Variants in PCDHA4 observed in about 807,000 individuals in gnomAD.
PCDHA4 encodes protocadherin alpha-4.
In PCDHA4, 49 loss-of-function variants were observed where a neutral mutation model predicts 61.4. That is an observed-to-expected ratio of 0.80 (90% CI 0.63 to 1.01). PCDHA4 has a LOEUF of 1.01. PCDHA4 is among the 50% of genes least tolerant of loss of function. The pLI is 0.00. For synonymous variants in PCDHA4, 590 were observed against 550.3 expected (o/e 1.07, Z -1.01); for missense variants, 1,254 against 1,235.8 (o/e 1.01, Z -0.22).
intron 1 of PCDHA4, chr5:140,815,969 G>T (rs1765823942): frequency 6.6e-6 from 1 of 152,094 alleles, no homozygotes; most frequent in South Asian, 2.1e-4. Context: ...GTGTTCTTTT[G>T]TACGTGATGA....
chr5:140,871,444 A>C (rs782085925), intron 1 of PCDHA4: 1 of 1,610,088 alleles, frequency 6.2e-7, no homozygotes, highest in Non-Finnish European at 8.5e-7. Context: ...AGGTCTGAAT[A>C]AAGAGGAGGA....
At chr5:140,883,781 T>C (rs1156481556) in intron 1 of PCDHA4, 1 of 1,612,432 alleles carries the variant, frequency 6.2e-7, no homozygotes, top group Non-Finnish European at 8.5e-7. Flanking sequence ...GCGTGCGCTG[T>C]CGAGCTACGT....
At chr5:140,870,755 A>G in intron 1 of PCDHA4, 3 of 1,613,522 alleles carry the variant, frequency 1.9e-6, no homozygotes, top group Non-Finnish European at 2.5e-6. Flanking sequence ...GTGACGCTGC[A>G]GGTGTTCGTG....
At chr5:140,825,107 A>G (rs1768448752) in intron 1 of PCDHA4, 1 of 151,744 alleles carries the variant, frequency 6.6e-6, no homozygotes, top group Non-Finnish European at 1.5e-5. Context: ...TTCATATACA[A>G]ATAAACTTCC....
Position 140,808,861 on chromosome 5 carries a change from A to C in PCDHA4, c.1674A>C (p.Glu558Asp), listed in dbSNP as rs782428956. 1.9e-6 allele frequency: 3 copies of C among 1,613,152 alleles called. No homozygotes were observed. The Admixed American group carries it at 5.0e-5, about 27-fold the overall frequency. The change falls in exon 1 of 4, where the codon GAA (glutamate) becomes GAC (aspartate). Residue 558 changes from glutamate to aspartate, a missense_variant. Glu to Asp is a conservative substitution (Grantham distance 45, BLOSUM62 2). Transcript: ENST00000530339. ...CGCTGCAGGTGTTCGTGCTGGACGA[A>C]AACGACAACGCGCCAGCACTGCTAG... ...NVTLQVFVLD[E>D]NDNAPALLAP... is the part of the protein sequence containing the mutation.
chr5:141,009,716 C>A lies in PCDHA4; in HGVS notation c.2623C>A (p.Gln875Lys). Residue 875 changes from glutamine (Q) to lysine (K), a missense_variant, in exon 4 of 4, where the codon CAA becomes AAA. Transcript: ENST00000530339. ...TFKYGPGNPK[Q>K]SGPGELPDKF... is the part of the protein sequence containing the mutation. ...TAAATACGGACCAGGCAACCCCAAACAATCCGGTCCCGGTGAGTTGCCCGA... is the reference window on the plus strand; with the variant it reads ...TAAATACGGACCAGGCAACCCCAAAAAATCCGGTCCCGGTGAGTTGCCCGA... 3 of 1,614,168 alleles carry A rather than the reference C, an allele frequency of 1.9e-6. No homozygotes were observed. The highest frequency in any genetic ancestry group is 2.5e-6 in the Non-Finnish European group (3 of 1,180,034).
chr5:140,822,162 G>A, intron 1 of PCDHA4: 1 of 1,614,230 alleles, frequency 6.2e-7, no homozygotes, highest in Non-Finnish European at 8.5e-7. Flanking sequence ...ATGACAATCC[G>A]CCCAGGTTCT....
intron 1 of PCDHA4, chr5:140,857,226 C>A (rs1266010631): frequency 6.3e-7 from 1 of 1,598,378 alleles, no homozygotes; most frequent in African/African-American, 1.3e-5. Context: ...CCTCACGTTC[C>A]GTTCAAGCTG....
At chr5:140,830,163 C>A in intron 1 of PCDHA4, 1 of 1,613,430 alleles carries the variant, frequency 6.2e-7, no homozygotes, top group Non-Finnish European at 8.5e-7. Flanking sequence ...GGCCCAGAGG[C>A]GGCGCTGGTG....
chr5:140,880,419 G>A (rs1554171271), intron 1 of PCDHA4, among the ~76,000 whole-genome samples: 2 of 152,106 alleles, frequency 1.3e-5, no homozygotes, highest in Non-Finnish European at 2.9e-5. Context: ...TTAAAAGCGG[G>A]AACAGTTTTT....
At chr5:140,836,074 C>G in intron 1 of PCDHA4, 2 of 1,613,694 alleles carry the variant, frequency 1.2e-6, no homozygotes, top group Non-Finnish European at 1.7e-6. Flanking sequence ...AACGCGCCGG[C>G]ACTGCTGGCG....
intron 1 of PCDHA4, chr5:140,823,132 G>A: frequency 6.2e-7 from 1 of 1,614,036 alleles, no homozygotes; most frequent in South Asian, 1.1e-5. Flanking sequence ...CAACGCTCCG[G>A]CGTTCGCGCA....
chr5:140,849,878 G>C, intron 1 of PCDHA4: 1 of 1,598,602 alleles, frequency 6.3e-7, no homozygotes, highest in South Asian at 1.1e-5. Context: ...CCGAGTACAC[G>C]GTGTTCGTGA....
At chr5:140,857,791 G>T in intron 1 of PCDHA4, 1 of 1,597,714 alleles carries the variant, frequency 6.3e-7, no homozygotes, top group Non-Finnish European at 8.6e-7. Context: ...AGCTGGTGCT[G>T]CGGTCGGTGG....
intron 1 of PCDHA4, chr5:140,856,080 A>G: frequency 6.3e-7 from 1 of 1,594,626 alleles, no homozygotes; most frequent in African/African-American, 1.3e-5. Context: ...CTGGGGGTCC[A>G]GTGTCTGCTG....
intron 1 of PCDHA4, chr5:140,814,565 T>C (rs2150036613): frequency 6.6e-6 from 1 of 152,332 alleles, no homozygotes; most frequent in South Asian, 2.1e-4. Flanking sequence ...TATCAAGTAT[T>C]ATGTACTGTA....
chr5:140,823,347 C>T, intron 1 of PCDHA4: 17 of 1,612,418 alleles, frequency 1.1e-5, no homozygotes, highest in Non-Finnish European at 1.4e-5. Flanking sequence ...CGCTGGACCA[C>T]GAGGAAGTGG....
chr5:140,877,509 G>T (rs781824762), intron 1 of PCDHA4: 21 of 1,613,700 alleles, frequency 1.3e-5, no homozygotes, highest in Non-Finnish European at 1.7e-5. Flanking sequence ...CAAAGACGTC[G>T]TCGCGGGCCT....
At chr5:140,929,268 A>G (rs1303371377) in intron 1 of PCDHA4, 1 of 1,611,476 alleles carries the variant, frequency 6.2e-7, no homozygotes, top group Non-Finnish European at 8.5e-7. Flanking sequence ...TGAATTTGCC[A>G]ATATCCTGTA....
Sources: gnomAD v4.1 joint callset for allele counts (sites outside exome capture counted in the v4.1 genomes callset) on GRCh38, gnomAD v4.1.1 for gene constraint, MANE v1.5 for transcripts, NCBI Gene and HGNC (gene_info 2026-07-23, HGNC 2026-07-21) for gene names.